LHPP: variants seen among roughly 807,000 people sequenced by gnomAD.
LHPP encodes phospholysine phosphohistidine inorganic pyrophosphate phosphatase.
A neutral mutation model predicts 30.3 loss-of-function variants in LHPP; 24 were observed. The observed-to-expected ratio is 0.79, with a 90% CI of 0.57 to 1.11. The LOEUF is 1.11. Among genes scored for constraint, LHPP ranks in the 50% most tolerant of loss-of-function variants. LHPP has a pLI of 0.00. For missense variants in LHPP, 356 were observed against 367.2 expected (o/e 0.97, Z 0.25); for synonymous variants, 150 against 157.1 (o/e 0.95, Z 0.34).
intron 6 of LHPP, among the ~76,000 whole-genome samples, chr10:124,600,178 CTTG>C (rs1949003190): frequency 6.6e-6 from 1 of 152,240 alleles, no homozygotes; most frequent in Non-Finnish European, 1.5e-5. Flanking sequence ...AGGGTCTGGC[CTTG>C]TTGGTAGCGC....
chr10:124,513,902 C>T (rs1954382841), intron 5 of LHPP, among the ~76,000 whole-genome samples: 2 of 152,084 alleles, frequency 1.3e-5, no homozygotes, highest in South Asian at 4.1e-4. Context: ...CTGTATGACT[C>T]CCTCCACTCT....
At position 124,541,611 on chromosome 10, in the gene LHPP, C is replaced by T. The variant is rs1182737655; in HGVS notation, c.716+24340C>T. On this transcript the variant is annotated intron_variant, in intron 6 of 6. Transcript: ENST00000368842. The surrounding 1 kb of genome is among the most constrained non-coding windows in gnomAD (Gnocchi z 4.2). ...ACCCCCGCGTGAGCCTGGGACCACC[C>T]GTGGGGACAGTGTGTGTCTAGGCAA... is the stretch of plus-strand genomic sequence containing the variant. 1.3e-5 allele frequency among the ~76,000 whole-genome samples: 2 copies of T among 152,078 alleles called. No homozygotes were observed. Among genetic ancestry groups the T allele is most frequent in the Non-Finnish European group, 2.9e-5 (2 of 67,996 alleles).
chr10:124,488,223 C>T (rs1317203), intron 2 of LHPP, among the ~76,000 whole-genome samples, 199 bp from the exon 3 acceptor site: 21,310 of 152,164 alleles, frequency 0.14, 1,877 homozygotes, highest in Non-Finnish European at 0.18. Flanking sequence ...CATAAGCCCT[C>T]TCTGAGGAGC....
At chr10:124,550,528 C>T (rs755533941) in intron 6 of LHPP, among the ~76,000 whole-genome samples, 4 of 152,156 alleles carry the variant, frequency 2.6e-5, no homozygotes, top group Admixed American at 1.3e-4. Context: ...GTTCGTGCAC[C>T]GGGTGGTGTG....
At position 124,592,995 on chromosome 10, in the gene LHPP, C is replaced by G. The variant is rs963280394; in HGVS notation, c.717-20269C>G. Among the ~76,000 whole-genome samples, 1 of 152,174 alleles carries G rather than the reference C, an allele frequency of 6.6e-6. No individual in the cohort carries two copies. Among genetic ancestry groups the G allele is most frequent in the African/African-American group, 2.4e-5 (1 of 41,440 alleles). On this transcript the variant is annotated intron_variant, in intron 6 of 6. Coordinates refer to ENST00000368842, the MANE Select transcript of LHPP (RefSeq NM_022126.4). This position sits in a 1 kb window ranked among gnomAD's most constrained non-coding sequence, Gnocchi z 6.2. ...GCTTTGACAGTTTATGAGGTGATGA[C>G]GTTGCAGCTATGATTGATGAGGTGG... is the stretch of plus-strand genomic sequence containing the variant.
In LHPP at chr10:124,478,719, G is replaced by A. The variant is rs1038090646; in HGVS notation, c.126-5420G>A. Among the ~76,000 whole-genome samples the A allele has an allele frequency of 1.3e-5, 2 of 152,140 alleles. No individual in the cohort carries two copies. The highest frequency in any genetic ancestry group is 2.1e-4 in the South Asian group (1 of 4,832). Reference sequence around the variant, plus strand: ...GGGCGATGTTGTCACTCAGAGGCTCGTCCTGGCCTGCTGAGATGAGGTAAA... The same window carrying A: ...GGGCGATGTTGTCACTCAGAGGCTCATCCTGGCCTGCTGAGATGAGGTAAA... On this transcript the variant is annotated intron_variant, in intron 1 of 6. Coordinates refer to ENST00000368842, the MANE Select transcript of LHPP (RefSeq NM_022126.4). The surrounding 1 kb of genome is among the most constrained non-coding windows in gnomAD (Gnocchi z 4.7).
intron 1 of LHPP, among the ~76,000 whole-genome samples, chr10:124,480,635 T>C (rs1024396959): frequency 6.6e-6 from 1 of 152,238 alleles, no homozygotes; most frequent in African/African-American, 2.4e-5. Flanking sequence ...CTATCCATAA[T>C]GTACAAGGTG....
chr10:124,575,190 C>A (rs1035895778), intron 6 of LHPP, among the ~76,000 whole-genome samples: 2 of 152,112 alleles, frequency 1.3e-5, no homozygotes, highest in Non-Finnish European at 2.9e-5. Context: ...TGGACACAGC[C>A]TTGGCCAGGT....
At chr10:124,583,826 C>CA (rs1416636655) in intron 6 of LHPP, among the ~76,000 whole-genome samples, 1 of 152,154 alleles carries the variant, frequency 6.6e-6, no homozygotes, top group Non-Finnish European at 1.5e-5. Flanking sequence ...TGGGTGGGGA[C>CA]AAATATTCAA....
At chr10:124,507,160 A>AGCG (rs1954138340) in intron 5 of LHPP, among the ~76,000 whole-genome samples, 3 of 35,994 alleles carry the variant, frequency 8.3e-5, no homozygotes, top group African/African-American at 3.7e-4. Context: ...TTCAGGTGGG[A>AGCG]GGGTAGGCAG....
rs1954474635 is a variant in LHPP at position 124,517,052 on chromosome 10, T to C, written c.625-128T>C. The C allele has an allele frequency of 1.6e-6, 1 of 613,950 alleles. No homozygotes were observed. The highest frequency in any genetic ancestry group is 2.8e-6 in the Non-Finnish European group (1 of 356,646). 38.0% of individuals were successfully genotyped at this position (613,950 alleles called of 1,614,324 possible). A position where few individuals can be genotyped will look rare whatever the true frequency, so the allele number is the denominator to read the frequency against. On this transcript the variant is annotated intron_variant, in intron 5 of 6. Transcript: ENST00000368842. The surrounding 1 kb of genome is among the most constrained non-coding windows in gnomAD (Gnocchi z 4.1). ...AATCAATACGATGACAATATTATCT[T>C]GTTTAATTTGTATGATGGTGGTTGT...
chr10:124,550,262 A>C (rs541191741), intron 6 of LHPP, among the ~76,000 whole-genome samples: 1 of 152,282 alleles, frequency 6.6e-6, no homozygotes, highest in African/African-American at 2.4e-5. Context: ...CTCTGCCCCC[A>C]GGCAGCTGCG....
chr10:124,608,443 C>T (rs548674124), intron 6 of LHPP, among the ~76,000 whole-genome samples: 233 of 152,336 alleles, frequency 1.5e-3, no homozygotes, highest in African/African-American at 5.5e-3. Flanking sequence ...GTCCTTGCCA[C>T]GAATATTGGC....
At chr10:124,608,960 CG>C (rs1418816528) in intron 6 of LHPP, among the ~76,000 whole-genome samples, 1 of 152,186 alleles carries the variant, frequency 6.6e-6, no homozygotes, top group Non-Finnish European at 1.5e-5. Flanking sequence ...CCAGAGCAGC[CG>C]CATCTCTGCA....
chr10:124,474,557 AT>A (rs1952884222), intron 1 of LHPP, among the ~76,000 whole-genome samples: 1 of 152,146 alleles, frequency 6.6e-6, no homozygotes, highest in Non-Finnish European at 1.5e-5. Flanking sequence ...ACATAAAAGG[AT>A]TCTCATCCCA....
intron 6 of LHPP, among the ~76,000 whole-genome samples, chr10:124,519,611 C>T (rs1166773790): frequency 2.0e-5 from 3 of 152,098 alleles, no homozygotes; most frequent in Admixed American, 1.3e-4. Context: ...CCCGGCAAGC[C>T]CCCAAAGTCC....
intron 1 of LHPP, among the ~76,000 whole-genome samples, chr10:124,462,791 G>A (rs973332214): frequency 6.6e-6 from 1 of 151,896 alleles, no homozygotes; most frequent in Non-Finnish European, 1.5e-5. Flanking sequence ...TCCGCCTCCC[G>A]GGTGCAAGTG....
At chr10:124,483,862 T>G (rs1410586073) in intron 1 of LHPP, among the ~76,000 whole-genome samples, 5 of 125,844 alleles carry the variant, frequency 4.0e-5, no homozygotes, top group East Asian at 4.6e-4. Context: ...GGGGGTCAGG[T>G]GGGGAACCTC....
chr10:124,564,523 G>A (rs1262882273), intron 6 of LHPP, among the ~76,000 whole-genome samples: 1 of 152,088 alleles, frequency 6.6e-6, no homozygotes, highest in African/African-American at 2.4e-5. Context: ...CAAAGTGCTG[G>A]GATTACAGGT....
Sources: gnomAD v4.1 joint callset for allele counts (sites outside exome capture counted in the v4.1 genomes callset) on GRCh38, gnomAD v4.1.1 for gene constraint, Gnocchi (gnomAD v3.1) non-coding constraint, MANE v1.5 for transcripts, NCBI Gene and HGNC (gene_info 2026-07-23, HGNC 2026-07-21) for gene names.